The following RAPGEF4 variants were observed in gnomAD, a reference collection of about 807,000 sequenced individuals.
The protein encoded by RAPGEF4 is Rap guanine nucleotide exchange factor 4.
In RAPGEF4, 66 loss-of-function variants were observed where a neutral mutation model predicts 147.9. That is an observed-to-expected ratio of 0.45 (90% CI 0.37 to 0.55). RAPGEF4 has a LOEUF of 0.55. RAPGEF4 is among the 20% of genes least tolerant of loss of function. The pLI is 0.00. For missense variants in RAPGEF4, 1,071 were observed against 1,257.3 expected (o/e 0.85, Z 2.24); for synonymous variants, 419 against 442.7 (o/e 0.95, Z 0.67).
rs1217183768 is a variant in RAPGEF4, at chr2:172,988,717, G to A, written c.1252G>A (p.Gly418Arg). Residue 418 changes from glycine (G) to arginine (R), a missense_variant, in exon 14 of 31, where the codon GGA becomes AGA. Transcript: ENST00000397081. ...GKGVVCTLHEGDDFGKLALVN... is the reference protein window; with the variant it reads ...GKGVVCTLHERDDFGKLALVN... The stretch of plus-strand genomic sequence containing the variant: ...GGGTGTGGTCTGCACCCTGCATGAA[G>A]GAGATGACTTCGGCAAGTTAGCACT... The A allele has an allele frequency of 2.5e-6, 4 of 1,612,988 alleles. No homozygotes were observed. Among genetic ancestry groups the A allele is most frequent in the South Asian group, 1.1e-5 (1 of 91,064 alleles).
chr2:172,990,471 G>C (rs916633957), intron 14 of RAPGEF4, among the ~76,000 whole-genome samples: 1 of 152,186 alleles, frequency 6.6e-6, no homozygotes, highest in Non-Finnish European at 1.5e-5. Flanking sequence ...TGCTGAAGCT[G>C]CTTGCTATTT....
At chr2:172,970,765 C>T (rs1181530072) in intron 10 of RAPGEF4, among the ~76,000 whole-genome samples, 3 of 151,928 alleles carry the variant, frequency 2.0e-5, no homozygotes, top group Non-Finnish European at 4.4e-5. Flanking sequence ...AATAGAGCTT[C>T]AGGGGAAATT....
intron 14 of RAPGEF4, among the ~76,000 whole-genome samples, chr2:172,989,897 T>C (rs1041642510): frequency 6.6e-6 from 1 of 152,108 alleles, no homozygotes; most frequent in Non-Finnish European, 1.5e-5. Flanking sequence ...AATGATGATT[T>C]ACAATGTCAT....
chr2:172,771,670 C>A (rs1022988832), intron 1 of RAPGEF4, among the ~76,000 whole-genome samples: 1 of 152,138 alleles, frequency 6.6e-6, no homozygotes, highest in Admixed American at 6.5e-5. Context: ...GTCACAAACT[C>A]CTGGGCACAA....
chr2:172,847,527 C>CA (rs1424950110), intron 4 of RAPGEF4, among the ~76,000 whole-genome samples: 1 of 152,132 alleles, frequency 6.6e-6, no homozygotes, highest in Non-Finnish European at 1.5e-5. Context: ...CTGAAGGGGA[C>CA]AGGACGCATC....
Position 172,982,484 on chromosome 2 carries a change from T to G in RAPGEF4, c.1005-1012T>G, listed in dbSNP as rs149366336. Among the ~76,000 whole-genome samples the G allele has an allele frequency of 2.8e-3, 426 of 152,306 alleles. 1 individual carries two copies. Among genetic ancestry groups the G allele is most frequent in the South Asian group, 0.026 (126 of 4,830 alleles). On this transcript the variant is annotated intron_variant, in intron 10 of 30. Transcript: ENST00000397081. ...AGTTTGTTTTCAAGTTTCAAAAACA[T>G]ATTAGTTAGGATTCTTTATTTTGCA...
intron 4 of RAPGEF4, among the ~76,000 whole-genome samples, chr2:172,905,851 G>T (rs1043741178): frequency 6.6e-6 from 1 of 152,196 alleles, no homozygotes. Context: ...CCCATTATGC[G>T]GATGCTCTAG....
intron 1 of RAPGEF4, among the ~76,000 whole-genome samples, chr2:172,743,615 A>G (rs1027126511): frequency 5.9e-5 from 9 of 152,210 alleles, no homozygotes; most frequent in African/African-American, 2.2e-4. Context: ...TATAGAGGCT[A>G]GAAAAACAAC....
rs982971232 is a variant in RAPGEF4 at position 172,736,022 on chromosome 2, C to A, written c.39C>A (p.Ala13=). The A allele has an allele frequency of 6.8e-7, 1 of 1,475,916 alleles. No individual in the cohort carries two copies. Among genetic ancestry groups the A allele is most frequent in the Non-Finnish European group, 9.0e-7 (1 of 1,112,612 alleles). The allele number at this position is 1,475,916 out of a possible 1,614,324, so 91.4% of individuals were successfully genotyped here. The part of the protein sequence containing the change: ...AAHAAHSSSS[A]EWIACLDKRP... ...ACGCTGCCCATTCTTCCTCCTCTGC[C>A]GAGTGGATCGCCTGCCTGGATAAAA... The change falls in exon 1 of 31, where the codon GCC becomes GCA. Residue 13 remains alanine, a synonymous_variant. Coordinates refer to ENST00000397081, the MANE Select transcript of RAPGEF4 (RefSeq NM_007023.4).
intron 4 of RAPGEF4, among the ~76,000 whole-genome samples, chr2:172,839,540 G>T (rs1239459655): frequency 6.6e-6 from 1 of 152,034 alleles, no homozygotes; most frequent in African/African-American, 2.4e-5. Context: ...TCATTATTTG[G>T]TATTGGTGGG....
chr2:172,903,821 G>GC (rs1699338257), intron 4 of RAPGEF4, among the ~76,000 whole-genome samples: 1 of 152,172 alleles, frequency 6.6e-6, no homozygotes, highest in East Asian at 1.9e-4. Context: ...AAGTGCCTCT[G>GC]CCCCAATGGC....
At chr2:172,868,852 T>C (rs1214412346) in intron 4 of RAPGEF4, among the ~76,000 whole-genome samples, 1 of 152,202 alleles carries the variant, frequency 6.6e-6, no homozygotes, top group Non-Finnish European at 1.5e-5. Flanking sequence ...TGGCATCTGC[T>C]CCTGGTGAGG....
At chr2:172,973,756 G>A (rs902188462) in intron 10 of RAPGEF4, among the ~76,000 whole-genome samples, 1 of 152,198 alleles carries the variant, frequency 6.6e-6, no homozygotes, top group African/African-American at 2.4e-5. Context: ...CCAGAGAATA[G>A]ACTGGAGGGG....
At chr2:172,883,535 A>G (rs1000704085) in intron 4 of RAPGEF4, among the ~76,000 whole-genome samples, 1 of 152,174 alleles carries the variant, frequency 6.6e-6, no homozygotes, top group Non-Finnish European at 1.5e-5. Flanking sequence ...AAAAACATTC[A>G]TATTGGAGTT....
chr2:172,953,525 CAG>C (rs1365345470), intron 6 of RAPGEF4, among the ~76,000 whole-genome samples: 1 of 151,900 alleles, frequency 6.6e-6, no homozygotes, highest in Non-Finnish European at 1.5e-5. Flanking sequence ...TATTTCAACT[CAG>C]TGAAATATAC....
intron 25 of RAPGEF4, among the ~76,000 whole-genome samples, chr2:173,028,427 G>A (rs1242332661): frequency 6.6e-6 from 1 of 152,190 alleles, no homozygotes; most frequent in Non-Finnish European, 1.5e-5. Flanking sequence ...GCCTGGCAGT[G>A]CCCAATGCAA....
At chr2:172,742,062 C>G (rs912953579) in intron 1 of RAPGEF4, among the ~76,000 whole-genome samples, 1 of 152,128 alleles carries the variant, frequency 6.6e-6, no homozygotes, top group East Asian at 1.9e-4. Flanking sequence ...GCTCCCCACT[C>G]CCCCCAGGAT....
At chr2:172,891,612 G>A (rs1415701535) in intron 4 of RAPGEF4, among the ~76,000 whole-genome samples, 1 of 152,154 alleles carries the variant, frequency 6.6e-6, no homozygotes, top group African/African-American at 2.4e-5. Context: ...TGGGATCAGA[G>A]GCAGATGGAA....
intron 9 of RAPGEF4, 183 bp from the exon 10 acceptor site, chr2:172,967,078 C>T: frequency 1.7e-6 from 1 of 600,826 alleles, no homozygotes; most frequent in Non-Finnish European, 2.9e-6. Context: ...GTGTGCATGA[C>T]TGCAGCCCCG....
Sources: gnomAD v4.1 joint callset for allele counts (sites outside exome capture counted in the v4.1 genomes callset) on GRCh38, gnomAD v4.1.1 for gene constraint, MANE v1.5 for transcripts, NCBI Gene and HGNC (gene_info 2026-07-23, HGNC 2026-07-21) for gene names.